Variants in CBFA2T2 observed in about 807,000 individuals in gnomAD.
CBFA2T2 encodes the protein protein CBFA2T2.
CBFA2T2 carries 11 observed loss-of-function variants against 62.2 expected under a neutral mutation model. The observed-to-expected ratio is 0.18, with a 90% CI of 0.11 to 0.29. CBFA2T2 has a LOEUF of 0.29. Among genes scored for constraint, CBFA2T2 ranks in the 10% least tolerant of loss-of-function variants. The pLI is 1.00. For synonymous variants in CBFA2T2, 295 were observed against 287.5 expected, an observed-to-expected ratio of 1.03 and a Z score of -0.27; for missense variants, 592 against 774.1, an observed-to-expected ratio of 0.76 and a Z score of 2.79.
Position 33,628,223 on chromosome 20 carries a change from C to A in CBFA2T2, c.947-127C>A, listed in dbSNP as rs558967059. On this transcript the variant is annotated intron_variant, in intron 6 of 10. Coordinates refer to ENST00000342704, the MANE Select transcript of CBFA2T2 (RefSeq NM_001032999.3). ...ATTGTCATTTTGTGGGTCCCCCACC[C>A]CATTGTGAATCATTGCCTTAGTAGT... 3 of 672,388 alleles carry A rather than the reference C, an allele frequency of 4.5e-6. No individual in the cohort carries two copies. In the East Asian group the frequency reaches 8.1e-5, roughly 18 times the overall value. 41.7% of individuals were successfully genotyped at this position (672,388 alleles called of 1,614,324 possible). A position where few individuals can be genotyped will look rare whatever the true frequency, so the allele number is the denominator to read the frequency against.
intron 1 of CBFA2T2, among the ~76,000 whole-genome samples, chr20:33,552,349 A>T (rs1273923015): frequency 6.6e-6 from 1 of 152,184 alleles, no homozygotes; most frequent in Non-Finnish European, 1.5e-5. Flanking sequence ...GCTTCAGAGG[A>T]CCTCAGGTGA....
rs530045308 is a variant in CBFA2T2, at chr20:33,501,695, A to G, written c.34+11394A>G. Among the ~76,000 whole-genome samples the G allele has an allele frequency of 4.7e-4, 53 of 113,348 alleles. 1 individual carries two copies. The highest frequency in any genetic ancestry group is 0.01 in the Middle Eastern group (1 of 96). 74.4% of individuals were successfully genotyped at this position (113,348 alleles called of 152,430 possible). A position where few individuals can be genotyped will look rare whatever the true frequency, so the allele number is the denominator to read the frequency against. On this transcript the variant is annotated intron_variant, in intron 1 of 10. Coordinates refer to ENST00000342704, the MANE Select transcript of CBFA2T2 (RefSeq NM_001032999.3). ...TCACTTTGTCGCCAGGCTGGAGTGC[A>G]GTGGTGCGATCTCGGCTCACTGCAA...
intron 1 of CBFA2T2, among the ~76,000 whole-genome samples, chr20:33,565,787 G>A (rs1459831147): frequency 1.3e-5 from 2 of 152,174 alleles, no homozygotes; most frequent in East Asian, 1.9e-4. Flanking sequence ...AATGACCCAA[G>A]CATATTTTCA....
chr20:33,549,243 C>T (rs1044963611), intron 1 of CBFA2T2, among the ~76,000 whole-genome samples: 4 of 151,734 alleles, frequency 2.6e-5, no homozygotes, highest in Admixed American at 2.6e-4. Context: ...GGGAAATCCT[C>T]CCTCCATAAA....
chr20:33,595,777 C>T (rs1174495620), intron 1 of CBFA2T2, among the ~76,000 whole-genome samples: 6 of 151,092 alleles, frequency 4.0e-5, no homozygotes, highest in African/African-American at 1.2e-4. Flanking sequence ...TGAGCTGACT[C>T]GATCCACCTG....
At chr20:33,551,393 T>G (rs2012737711) in intron 1 of CBFA2T2, among the ~76,000 whole-genome samples, 2 of 152,092 alleles carry the variant, frequency 1.3e-5, no homozygotes, top group Admixed American at 1.3e-4. Flanking sequence ...ATTTTGTATT[T>G]TTAGTAGAGA....
At chr20:33,518,593 T>G (rs1446631698) in intron 1 of CBFA2T2, among the ~76,000 whole-genome samples, 1 of 147,434 alleles carries the variant, frequency 6.8e-6, no homozygotes, top group African/African-American at 2.5e-5. Flanking sequence ...AGAAACTCCC[T>G]CTACTAAAAA....
chr20:33,595,943 C>T (rs888787580), intron 1 of CBFA2T2, among the ~76,000 whole-genome samples: 7 of 152,178 alleles, frequency 4.6e-5, no homozygotes, highest in Non-Finnish European at 8.8e-5. Flanking sequence ...TCCAGGGTTC[C>T]ACAGTAGCTG....
chr20:33,499,841 T>G (rs936297374), intron 1 of CBFA2T2, among the ~76,000 whole-genome samples: 1 of 152,042 alleles, frequency 6.6e-6, no homozygotes, highest in African/African-American at 2.4e-5. Context: ...AAGAAATGAG[T>G]TAGAGAATTT....
At position 33,534,603 on chromosome 20, in the gene CBFA2T2, G is replaced by T. The variant is rs149138342; in HGVS notation, c.34+44302G>T. Among the ~76,000 whole-genome samples, 122 of 152,144 alleles carry T rather than the reference G, an allele frequency of 8.0e-4. 1 individual carries two copies. The highest frequency in any genetic ancestry group is 2.8e-3 in the African/African-American group (117 of 41,522). Reference sequence around the variant, plus strand: ...GCTGAGATTATAGGCATGATCCATTGCCCCCAGCCTGTTGAGGTTTTTTTT... The same window carrying T: ...GCTGAGATTATAGGCATGATCCATTTCCCCCAGCCTGTTGAGGTTTTTTTT... On this transcript the variant is annotated intron_variant, in intron 1 of 10. Coordinates refer to ENST00000342704, the MANE Select transcript of CBFA2T2 (RefSeq NM_001032999.3).
intron 1 of CBFA2T2, among the ~76,000 whole-genome samples, chr20:33,502,593 C>T (rs1314727334): frequency 1.3e-5 from 2 of 151,080 alleles, no homozygotes; most frequent in African/African-American, 2.4e-5. Context: ...TTAGTAGAGA[C>T]GGGGTTTCAC....
intron 1 of CBFA2T2, among the ~76,000 whole-genome samples, chr20:33,603,477 C>T (rs2015219819): frequency 6.6e-6 from 1 of 152,132 alleles, no homozygotes; most frequent in South Asian, 2.1e-4. Context: ...TATATACATA[C>T]ATATATATGC....
chr20:33,615,785 C>T (rs1426884396), intron 3 of CBFA2T2, among the ~76,000 whole-genome samples: 4 of 151,968 alleles, frequency 2.6e-5, no homozygotes, highest in African/African-American at 9.7e-5. Flanking sequence ...AGAGAGAAGA[C>T]AGCAGATTCA....
chr20:33,531,216 G>A (rs934954904), intron 1 of CBFA2T2, among the ~76,000 whole-genome samples: 1 of 152,212 alleles, frequency 6.6e-6, no homozygotes, highest in Non-Finnish European at 1.5e-5. Flanking sequence ...GGAAATATTT[G>A]TTGAAGGGGA....
chr20:33,573,563 C>T (rs1159195039), intron 1 of CBFA2T2, among the ~76,000 whole-genome samples: 1 of 151,928 alleles, frequency 6.6e-6, no homozygotes, highest in East Asian at 1.9e-4. Context: ...CTCACTGCAA[C>T]CTCTGCCTCC....
intron 1 of CBFA2T2, among the ~76,000 whole-genome samples, chr20:33,587,811 G>A (rs1033138299): frequency 7.2e-5 from 11 of 152,208 alleles, no homozygotes; most frequent in African/African-American, 7.2e-5. Context: ...AACTTGTTAT[G>A]TCTGGGCTGT....
At chr20:33,605,825 ATT>A (rs200922863) in intron 1 of CBFA2T2, among the ~76,000 whole-genome samples, 24 of 144,750 alleles carry the variant, frequency 1.7e-4, no homozygotes, top group African/African-American at 6.1e-4. Context: ...ATTAATGGTG[ATT>A]TTTTTTTTTT....
Position 33,624,921 on chromosome 20 carries a change from C to T in CBFA2T2, c.850C>T (p.His284Tyr), listed in dbSNP as rs1394138750. ...QFHPTPPPLQHYTLEDIATSH... is the reference protein window; with the variant it reads ...QFHPTPPPLQYYTLEDIATSH... ...CCATCCTACCCCTCCACCTCTTCAGCATTACACCTTAGAGGATATTGCAAC... is the reference window on the plus strand; with the variant it reads ...CCATCCTACCCCTCCACCTCTTCAGTATTACACCTTAGAGGATATTGCAAC... Residue 284 changes from histidine to tyrosine, a missense_variant, in exon 6 of 11, where the codon CAT becomes TAT. Physicochemically the swap from His to Tyr is moderately conservative, Grantham distance 83. This residue lies in a region of CBFA2T2 where 449 missense variants were observed against 551.2 expected (regional missense o/e 0.81). Coordinates refer to ENST00000342704, the MANE Select transcript of CBFA2T2 (RefSeq NM_001032999.3). The T allele has an allele frequency of 6.2e-7, 1 of 1,614,104 alleles. No individual in the cohort carries two copies.
intron 1 of CBFA2T2, among the ~76,000 whole-genome samples, chr20:33,598,230 G>C (rs965125867): frequency 6.6e-6 from 1 of 152,146 alleles, no homozygotes; most frequent in Non-Finnish European, 1.5e-5. Context: ...AGATAAACCG[G>C]TCTGACCAAA....
Sources: allele counts gnomAD v4.1 joint callset (sites outside exome capture counted in the v4.1 genomes callset), GRCh38; gene constraint gnomAD v4.1.1; regional missense constraint gnomAD v4.1.1; transcripts MANE v1.5; gene names NCBI Gene and HGNC (gene_info 2026-07-23, HGNC 2026-07-21).